Variants in LAMA5 observed in about 807,000 individuals in gnomAD.
LAMA5 encodes the protein laminin subunit alpha-5.
In LAMA5, 260 loss-of-function variants were observed where a neutral mutation model predicts 433.4. The observed-to-expected ratio is 0.60, with a 90% CI of 0.54 to 0.66. The LOEUF (loss-of-function observed/expected upper bound fraction) is 0.66, where lower values mean the gene tolerates loss of function less well. Ranked by LOEUF, LAMA5 falls within the 30% of genes least tolerant of loss-of-function variation. The pLI, the probability that LAMA5 is intolerant of heterozygous loss-of-function variation, is 0.00. For missense variants in LAMA5, 5,378 were observed against 5,258.5 expected, an observed-to-expected ratio of 1.02 and a Z score of -0.70; for synonymous variants, 2,620 against 2,226.6, an observed-to-expected ratio of 1.18 and a Z score of -4.97.
At chr20:62,358,789 C>T (rs773576861) in intron 2 of LAMA5, among the ~76,000 whole-genome samples, 2 of 152,130 alleles carry the variant, frequency 1.3e-5, no homozygotes, top group African/African-American at 2.4e-5. Flanking sequence ...TCCCCAAGTG[C>T]CTAGGGAAAC....
chr20:62,334,644 C>A, intron 20 of LAMA5, 23 bp from the exon 21 acceptor site: 1 of 1,535,328 alleles, frequency 6.5e-7, no homozygotes, highest in Non-Finnish European at 8.8e-7. Context: ...GGTGGGAGGT[C>A]AGAGGCTGCC....
Position 62,324,184 on chromosome 20 carries a change from T to C in LAMA5, c.5664A>G (p.Glu1888=). 1 of 1,574,364 alleles carries C rather than the reference T, an allele frequency of 6.4e-7. No homozygotes were observed. The change falls in exon 43 of 80, where the codon GAA becomes GAG. Residue 1888 remains glutamate, a synonymous_variant. Transcript: ENST00000252999. The surrounding 1 kb of genome is among the most constrained non-coding windows in gnomAD (Gnocchi z 4.4). ...GVCVDCQHNT[E]GAHCERCQAG... Reference sequence around the variant, plus strand: ...CCTGGCAGCGCTCACAGTGGGCCCCTTCGGTGTTGTGCTGGCAGTCCTGGG... The same window carrying C: ...CCTGGCAGCGCTCACAGTGGGCCCCCTCGGTGTTGTGCTGGCAGTCCTGGG...
intron 18 of LAMA5, 95 bp downstream of exon 18, chr20:62,336,245 C>A (rs1052268211): frequency 1.1e-6 from 1 of 893,400 alleles, no homozygotes; most frequent in Admixed American, 2.5e-5. Flanking sequence ...CCAGCCCCTC[C>A]AGGAACCCTG....
At position 62,309,257 on chromosome 20, in the gene LAMA5, T is replaced by C. The variant is rs1985796725; in HGVS notation, c.*79A>G. ...TCACCCGTAGAGCTTAGAGTCCAAA[T>C]AGACACCTATGAGGCGAGCACAAGG... On this transcript the variant is annotated 3_prime_UTR_variant, in exon 80 of 80. Coordinates refer to ENST00000252999, the MANE Select transcript of LAMA5 (RefSeq NM_005560.6). 7.9e-6 allele frequency: 11 copies of C among 1,398,740 alleles called. No individual in the cohort carries two copies. The highest frequency in any genetic ancestry group is 1.3e-5 in the South Asian group (1 of 78,606). The allele number at this position is 1,398,740 out of a possible 1,614,324, so 86.6% of individuals were successfully genotyped here. A position where few individuals can be genotyped will look rare whatever the true frequency, so the allele number is the denominator to read the frequency against.
chr20:62,350,624 G>A lies in LAMA5; in HGVS notation c.956+1080C>T, dbSNP rs572004539. Among the ~76,000 whole-genome samples, 3 of 152,294 alleles carry A rather than the reference G, an allele frequency of 2.0e-5. No individual in the cohort carries two copies. In the South Asian group the frequency reaches 6.2e-4, roughly 32 times the overall value. Reference sequence around the variant, plus strand: ...ATGAAAGTTGGGCTGCTCGGTTGCAGGCACTAGATGAGCCCTGCCAGCTCC... The same window carrying A: ...ATGAAAGTTGGGCTGCTCGGTTGCAAGCACTAGATGAGCCCTGCCAGCTCC... On this transcript the variant is annotated intron_variant, in intron 6 of 79. Transcript: ENST00000252999.
At chr20:62,311,816 T>TGGGCCCCCCCCCCCCC in intron 70 of LAMA5, 32 bp from the exon 71 acceptor site, 5 of 1,520,938 alleles carry the variant, frequency 3.3e-6, no homozygotes, top group East Asian at 2.3e-5. Context: ...GCTCGGTTTT[T>TGGGCCCCCCCCCCCCC]CCCCACCCTG....
In LAMA5 at chr20:62,327,183, C is replaced by T. The variant is rs200676733; in HGVS notation, c.5112+50G>A. Reference sequence around the variant, plus strand: ...GCTCCTGGCTCCCAACCCTCTCAGGCGTCCTGGCCATCCTCAAAGTGCCTC... The same window carrying T: ...GCTCCTGGCTCCCAACCCTCTCAGGTGTCCTGGCCATCCTCAAAGTGCCTC... On this transcript the variant is annotated intron_variant, in intron 38 of 79. Transcript: ENST00000252999. The T allele has an allele frequency of 6.4e-5, 92 of 1,439,760 alleles. No individual in the cohort carries two copies. In the Middle Eastern group the frequency reaches 2.4e-3, roughly 38 times the overall value. 89.2% of individuals were successfully genotyped at this position (1,439,760 alleles called of 1,614,324 possible).
chr20:62,313,163 G>C lies in LAMA5; in HGVS notation c.8880C>G (p.Ile2960Met). ...GFARISFDSQ[I>M]STTKRFEQEL... ...CCTGCTCGAAGCGCTTGGTGGTGCTGATCTGACTGTCGAAGCTGATGCGGG... is the reference window on the plus strand; with the variant it reads ...CCTGCTCGAAGCGCTTGGTGGTGCTCATCTGACTGTCGAAGCTGATGCGGG... The change falls in exon 65 of 80, where the codon ATC becomes ATG. Residue 2960 changes from isoleucine to methionine, a missense_variant. Transcript: ENST00000252999. The C allele has an allele frequency of 2.5e-6, 4 of 1,600,046 alleles. No individual in the cohort carries two copies. The highest frequency in any genetic ancestry group is 3.4e-6 in the Non-Finnish European group (4 of 1,176,484).
intron 6 of LAMA5, among the ~76,000 whole-genome samples, chr20:62,347,680 C>T (rs1020684281): frequency 6.6e-6 from 1 of 152,170 alleles, no homozygotes; most frequent in African/African-American, 2.4e-5. Flanking sequence ...AGAGACAAGG[C>T]CTGAGGTTGG....
chr20:62,363,271 C>T (rs1351290921), intron 1 of LAMA5, among the ~76,000 whole-genome samples: 14 of 152,186 alleles, frequency 9.2e-5, no homozygotes, highest in Non-Finnish European at 2.1e-4. Flanking sequence ...GGGCCTGGGC[C>T]TCCTGGCTGC....
chr20:62,320,990 C>T lies in LAMA5; in HGVS notation c.6497-100G>A, dbSNP rs975770626. 5.6e-5 allele frequency: 75 copies of T among 1,341,566 alleles called. No homozygotes were observed. The African/African-American group carries it at 1.1e-3, about 19-fold the overall frequency. 83.1% of individuals were successfully genotyped at this position (1,341,566 alleles called of 1,614,324 possible). On this transcript the variant is annotated intron_variant, in intron 48 of 79. Transcript: ENST00000252999. ...GTCATTAGGGTGGGGAGGGCTCAGCCAGAGGTCATGAGGTCAGCTTAGGGA... is the reference window on the plus strand; with the variant it reads ...GTCATTAGGGTGGGGAGGGCTCAGCTAGAGGTCATGAGGTCAGCTTAGGGA...
chr20:62,345,769 C>T (rs1423747274), intron 11 of LAMA5, 49 bp downstream of exon 11: 1 of 1,377,170 alleles, frequency 7.3e-7, no homozygotes, highest in South Asian at 1.3e-5. Flanking sequence ...GAAGCCGCCC[C>T]CATGGCTCCA....
At chr20:62,363,467 G>A (rs1986382709) in intron 1 of LAMA5, among the ~76,000 whole-genome samples, 1 of 152,140 alleles carries the variant, frequency 6.6e-6, no homozygotes, top group Admixed American at 6.5e-5. Context: ...CTGCATGGGT[G>A]AGTGGGGAAG....
chr20:62,338,332 G>A lies in LAMA5; in HGVS notation c.1656C>T (p.Arg552=). ...TGCACTGGCCTGTGTCAGGGTCACA[G>A]CGGTCATCGGCCACTCCAGGGCTGG... ...QCSSPGVADD[R]CDPDTGQCRC... The change falls in exon 13 of 80, where the codon CGC becomes CGT. Residue 552 remains arginine (R), a synonymous_variant. Transcript: ENST00000252999. 1 of 1,608,842 alleles carries A rather than the reference G, an allele frequency of 6.2e-7. No homozygotes were observed. Among genetic ancestry groups the A allele is most frequent in the Non-Finnish European group, 8.5e-7 (1 of 1,177,974 alleles).
At chr20:62,332,791 G>A (rs891646396) in intron 26 of LAMA5, 74 bp from the exon 27 acceptor site, 263 of 1,543,660 alleles carry the variant, frequency 1.7e-4, no homozygotes, top group Non-Finnish European at 2.1e-4. Flanking sequence ...CCACTCCAGC[G>A]CCTCCCTGAC....
rs1477930366 is a variant in LAMA5, at chr20:62,310,968, C to T, written c.10215G>A (p.Met3405Ile). ...CGCGGAGCCGAGTCCCGAGGCCTTC[C>T]ATCTGTGCAACGAAGTGGCCATTGC... is the stretch of plus-strand genomic sequence containing the variant. ...FLSNGHFVAQ[M>I]EGLGTRLRAQ... Residue 3405 changes from methionine (M) to isoleucine (I), a missense_variant, in exon 74 of 80, where the codon ATG (methionine) becomes ATA (isoleucine). Coordinates refer to ENST00000252999, the MANE Select transcript of LAMA5 (RefSeq NM_005560.6). The T allele has an allele frequency of 1.9e-6, 3 of 1,611,648 alleles. No individual in the cohort carries two copies. Among genetic ancestry groups the T allele is most frequent in the East Asian group, 4.5e-5 (2 of 44,858 alleles).
Position 62,318,479 on chromosome 20 carries a change from T to C in LAMA5, c.7214A>G (p.Asn2405Ser), listed in dbSNP as rs779120544. The change falls in exon 53 of 80, where the codon AAC becomes AGC. Residue 2405 changes from asparagine (N) to serine (S), a missense_variant. Coordinates refer to ENST00000252999, the MANE Select transcript of LAMA5 (RefSeq NM_005560.6). ...CAGGGCTTCCTCCAGGCGCTCCTGG[T>C]TGCGGCTGTTGAGCTCCTGGGCCTC... is the stretch of plus-strand genomic sequence containing the variant. ...TREAQELNSR[N>S]QERLEEALQR... 6.2e-7 allele frequency: 1 copy of C among 1,603,150 alleles called. No homozygotes were observed. The highest frequency in any genetic ancestry group is 2.2e-5 in the East Asian group (1 of 44,600).
At position 62,317,827 on chromosome 20, in the gene LAMA5, T is replaced by C. The variant is rs200470246; in HGVS notation, c.7240-49A>G. 29 of 1,037,320 alleles carry C rather than the reference T, an allele frequency of 2.8e-5. 1 individual carries two copies. In the East Asian group the frequency reaches 1.0e-3, roughly 37 times the overall value. The allele number at this position is 1,037,320 out of a possible 1,614,324, so 64.3% of individuals were successfully genotyped here. On this transcript the variant is annotated intron_variant, in intron 53 of 79. Transcript: ENST00000252999. The stretch of plus-strand genomic sequence containing the variant: ...GGGACAATGAGGGGTAAGAAAAGAA[T>C]AAAGGATGTGATGGGGTGGACAGCA...
At chr20:62,353,330 C>G in intron 2 of LAMA5, 79 bp from the exon 3 acceptor site, 1 of 1,063,036 alleles carries the variant, frequency 9.4e-7, no homozygotes, top group Non-Finnish European at 1.4e-6. Flanking sequence ...ATTTTCTGCC[C>G]CTCAGGTGAG....
Sources: gnomAD v4.1 joint callset for allele counts (sites outside exome capture counted in the v4.1 genomes callset) on GRCh38, gnomAD v4.1.1 for gene constraint, Gnocchi (gnomAD v3.1) non-coding constraint, MANE v1.5 for transcripts, NCBI Gene and HGNC (gene_info 2026-07-23, HGNC 2026-07-21) for gene names.